DSCAM: variants seen among roughly 807,000 people sequenced by gnomAD.
The protein encoded by DSCAM is DS cell adhesion molecule.
A neutral mutation model predicts 217.7 loss-of-function variants in DSCAM; 47 were observed. The ratio of observed to expected loss-of-function variants is 0.22; its 90% confidence interval spans 0.17 to 0.28. DSCAM has a LOEUF of 0.28. Among genes scored for constraint, DSCAM ranks in the 10% least tolerant of loss-of-function variants. The probability of loss-of-function intolerance (pLI) is 1.00; values close to 1 mark genes in which losing one functional copy is unlikely to be tolerated. For synonymous variants in DSCAM, 1,056 were observed against 1,015.3 expected (o/e 1.04, Z -0.76); for missense variants, 2,080 against 2,618.3 (o/e 0.79, Z 4.49).
In DSCAM at chr21:40,692,799, G is replaced by A. The variant is rs755351006; in HGVS notation, c.508+11C>T. 9.3e-6 allele frequency: 15 copies of A among 1,608,284 alleles called. No homozygotes were observed. The highest frequency in any genetic ancestry group is 3.3e-5 in the Admixed American group (2 of 59,932). ...GCGTGGTGTCCTGCACCCTGGAGAC[G>A]CAAAGCCTACCTGAGACAAGTGAAA... On this transcript the variant is annotated intron_variant, in intron 3 of 32. Coordinates refer to ENST00000400454, the MANE Select transcript of DSCAM (RefSeq NM_001389.5).
chr21:40,418,987 T>C (rs2075397669), intron 3 of DSCAM, among the ~76,000 whole-genome samples: 1 of 152,166 alleles, frequency 6.6e-6, no homozygotes, highest in South Asian at 2.1e-4. Context: ...TATATCTATT[T>C]TGAGATGGAG....
intron 8 of DSCAM, among the ~76,000 whole-genome samples, chr21:40,328,133 GA>G (rs199742263): frequency 8.0e-5 from 12 of 150,714 alleles, no homozygotes; most frequent in Admixed American, 2.7e-4. Flanking sequence ...CACAGAAATA[GA>G]AAAAAAAATC....
intron 25 of DSCAM, 129 bp from the exon 26 acceptor site, chr21:40,079,106 C>T (rs2089415646): frequency 1.0e-6 from 1 of 1,001,664 alleles, no homozygotes; most frequent in Middle Eastern, 2.4e-4. Flanking sequence ...GCTCACAGGC[C>T]ACTGGCAACT....
At chr21:40,438,769 C>G (rs931652566) in intron 3 of DSCAM, among the ~76,000 whole-genome samples, 4 of 152,124 alleles carry the variant, frequency 2.6e-5, no homozygotes, top group African/African-American at 9.7e-5. Context: ...AACAGCAGAC[C>G]TTTCATCTCT....
intron 3 of DSCAM, among the ~76,000 whole-genome samples, chr21:40,484,716 ACT>A (rs1429280973): frequency 2.0e-5 from 3 of 151,538 alleles, no homozygotes; most frequent in African/African-American, 4.9e-5. Context: ...ATAAAATGCA[ACT>A]CTCTCTCCCT....
chr21:40,158,418 C>T (rs538323533), intron 16 of DSCAM, among the ~76,000 whole-genome samples: 1 of 151,956 alleles, frequency 6.6e-6, no homozygotes, highest in East Asian at 1.9e-4. Context: ...AACAAAAAAA[C>T]AAAAGAAAAG....
At chr21:40,037,506 G>A (rs1168691700) in intron 32 of DSCAM, among the ~76,000 whole-genome samples, 12 of 145,582 alleles carry the variant, frequency 8.2e-5, no homozygotes, top group South Asian at 2.1e-4. Flanking sequence ...ACTGCTCAAC[G>A]AAATAAAAGA....
At chr21:40,143,566 C>T (rs990771148) in intron 17 of DSCAM, among the ~76,000 whole-genome samples, 1 of 152,172 alleles carries the variant, frequency 6.6e-6, no homozygotes, top group African/African-American at 2.4e-5. Context: ...CCGAGGCGGG[C>T]AGATCACGAG....
At chr21:40,306,956 T>C (rs1226005128) in intron 9 of DSCAM, among the ~76,000 whole-genome samples, 1 of 152,172 alleles carries the variant, frequency 6.6e-6, no homozygotes, top group African/African-American at 2.4e-5. Context: ...GCTGGCCTCA[T>C]AAAATGAGTT....
chr21:40,727,347 TTCC>T (rs1045198239), intron 1 of DSCAM, among the ~76,000 whole-genome samples: 24 of 152,216 alleles, frequency 1.6e-4, no homozygotes, highest in Non-Finnish European at 2.9e-4. Context: ...TTTTCTTGCC[TTCC>T]TCCTCATGTA....
At chr21:40,263,051 A>G (rs2073475217) in intron 11 of DSCAM, among the ~76,000 whole-genome samples, 1 of 152,360 alleles carries the variant, frequency 6.6e-6, no homozygotes, top group African/African-American at 2.4e-5. Flanking sequence ...GAAAGCCAAG[A>G]TACCTTTTTA....
In DSCAM at chr21:40,722,329, C is replaced by T. The variant is rs544172778; in HGVS notation, c.44-13558G>A. 4.7e-4 allele frequency among the ~76,000 whole-genome samples: 72 copies of T among 152,140 alleles called. 1 individual carries two copies. Among genetic ancestry groups the T allele is most frequent in the African/African-American group, 1.7e-3 (70 of 41,526 alleles). The stretch of plus-strand genomic sequence containing the variant: ...CATTACTGTTAAGGCAATAATAATG[C>T]ATTGTGTGGTTTGTAACATATAGAT... On this transcript the variant is annotated intron_variant, in intron 1 of 32. Coordinates refer to ENST00000400454, the MANE Select transcript of DSCAM (RefSeq NM_001389.5).
chr21:40,639,706 T>C (rs1037151017), intron 3 of DSCAM, among the ~76,000 whole-genome samples: 5 of 151,994 alleles, frequency 3.3e-5, no homozygotes, highest in Non-Finnish European at 4.4e-5. Flanking sequence ...TGTGTGTGTG[T>C]GTGTCATGAT....
chr21:40,199,375 C>T (rs774874428), intron 11 of DSCAM, among the ~76,000 whole-genome samples: 34 of 152,166 alleles, frequency 2.2e-4, no homozygotes, highest in Non-Finnish European at 4.0e-4. Flanking sequence ...ATACATGCCA[C>T]ATTTTCTTTA....
At chr21:40,055,056 T>A (rs1237797652) in intron 29 of DSCAM, among the ~76,000 whole-genome samples, 1 of 151,992 alleles carries the variant, frequency 6.6e-6, no homozygotes, top group African/African-American at 2.4e-5. Flanking sequence ...AGGCAGGCAG[T>A]GTGGGGTAAT....
At chr21:40,521,563 T>C (rs971493724) in intron 3 of DSCAM, among the ~76,000 whole-genome samples, 2 of 138,662 alleles carry the variant, frequency 1.4e-5, no homozygotes, top group African/African-American at 5.9e-5. Context: ...ATCTTCTTTT[T>C]AATTTTTTTT....
intron 16 of DSCAM, among the ~76,000 whole-genome samples, chr21:40,153,443 T>C (rs1283767288): frequency 1.3e-5 from 2 of 152,116 alleles, no homozygotes; most frequent in African/African-American, 2.4e-5. Flanking sequence ...GCCAAAGCAA[T>C]TGGCATACAC....
At chr21:40,777,951 C>G (rs958938496) in intron 1 of DSCAM, among the ~76,000 whole-genome samples, 4 of 152,092 alleles carry the variant, frequency 2.6e-5, no homozygotes, top group Non-Finnish European at 4.4e-5. Flanking sequence ...TTCAGACTTT[C>G]CAACAGCACT....
chr21:40,575,319 T>C (rs1286219066), intron 3 of DSCAM, among the ~76,000 whole-genome samples: 1 of 152,150 alleles, frequency 6.6e-6, no homozygotes, highest in African/African-American at 2.4e-5. Flanking sequence ...TGACTCTTTT[T>C]GGACTCAGCC....
Sources: gnomAD v4.1 joint callset for allele counts (sites outside exome capture counted in the v4.1 genomes callset) on GRCh38, gnomAD v4.1.1 for gene constraint, MANE v1.5 for transcripts, NCBI Gene and HGNC (gene_info 2026-07-23, HGNC 2026-07-21) for gene names.